NBEAL1: variants seen among roughly 807,000 people sequenced by gnomAD.
The protein encoded by NBEAL1 is neurobeachin-like protein 1.
Under a neutral mutation model 351.3 loss-of-function variants are expected in NBEAL1, and 273 were observed. The ratio of observed to expected loss-of-function variants is 0.78; its 90% CI spans 0.70 to 0.86. The LOEUF (loss-of-function observed/expected upper bound fraction) is 0.86. Among genes scored for constraint, NBEAL1 ranks in the 40% least tolerant of loss-of-function variants. NBEAL1 has a pLI of 0.00. For missense variants in NBEAL1, 2,961 were observed against 3,201.3 expected (o/e 0.92, Z 1.81); for synonymous variants, 1,050 against 1,086.4 (o/e 0.97, Z 0.66).
chr2:203,097,432 A>G, intron 10 of NBEAL1, 115 bp from the exon 11 acceptor site: 1 of 191,540 alleles, frequency 5.2e-6, no homozygotes, highest in Non-Finnish European at 9.6e-6. Context: ...ATATTTCACA[A>G]GGGAATTCTT....
chr2:203,217,335 A>C lies in NBEAL1; in HGVS notation c.8153A>C (p.Asn2718Thr), dbSNP rs752913236. Residue 2718 changes from asparagine (N) to threonine (T), a missense_variant, in exon 56 of 56, where the codon AAT becomes ACT. Coordinates refer to ENST00000683969, the MANE Select transcript of NBEAL1 (RefSeq NM_001378026.1). ...ATTTCAGCTGGAGAAACTGAATATA[A>C]TACTCAAGATTCCAAGTGATTGTTA... ...SQISAGETEY[N>T]TQDSK is the part of the protein sequence containing the mutation. The C allele has an allele frequency of 6.3e-7, 1 of 1,580,230 alleles. No individual in the cohort carries two copies. The highest frequency in any genetic ancestry group is 1.2e-5 in the South Asian group (1 of 84,814).
intron 50 of NBEAL1, among the ~76,000 whole-genome samples, chr2:203,202,073 G>A (rs2065415758): frequency 6.6e-6 from 1 of 152,076 alleles, no homozygotes; most frequent in Admixed American, 6.6e-5. Flanking sequence ...AAACATGAGA[G>A]TGATGAAATT....
intron 4 of NBEAL1, chr2:203,050,210 C>A: frequency 3.2e-6 from 1 of 313,282 alleles, no homozygotes. Flanking sequence ...ATACATATCC[C>A]AGAACTTTAA....
At chr2:203,066,492 G>A (rs1247586600) in intron 6 of NBEAL1, among the ~76,000 whole-genome samples, 3 of 152,050 alleles carry the variant, frequency 2.0e-5, no homozygotes, top group Non-Finnish European at 2.9e-5. Flanking sequence ...CACAGACACA[G>A]TAACAATCTG....
intron 19 of NBEAL1, among the ~76,000 whole-genome samples, chr2:203,123,051 G>T (rs890299957): frequency 2.1e-5 from 3 of 145,598 alleles, no homozygotes; most frequent in African/African-American, 7.6e-5. Flanking sequence ...TTAAATAAAA[G>T]AAATATAAAA....
Position 203,113,220 on chromosome 2 carries a change from A to G in NBEAL1, c.2408A>G (p.Glu803Gly). The G allele has an allele frequency of 3.2e-6, 5 of 1,543,380 alleles. No homozygotes were observed. Among genetic ancestry groups the G allele is most frequent in the Non-Finnish European group, 4.4e-6 (5 of 1,142,990 alleles). Reference sequence around the variant, plus strand: ...ATATCAGCTGGAACCCAAGACAGTGAATGGGGGTGTCCCACATCTCTGGAG... The same window carrying G: ...ATATCAGCTGGAACCCAAGACAGTGGATGGGGGTGTCCCACATCTCTGGAG... ...KLISAGTQDS[E>G]WGCPTSLEGQ... Residue 803 changes from glutamate (E) to glycine (G), a missense_variant, in exon 17 of 56, where the codon GAA becomes GGA. Transcript: ENST00000683969.
intron 47 of NBEAL1, among the ~76,000 whole-genome samples, chr2:203,195,155 C>T (rs1197694049): frequency 2.7e-5 from 4 of 150,362 alleles, no homozygotes; most frequent in Admixed American, 2.0e-4. Context: ...GATCACGCCA[C>T]TGCACTCAGA....
At chr2:203,165,854 G>A (rs1246001512) in intron 36 of NBEAL1, among the ~76,000 whole-genome samples, 1 of 151,972 alleles carries the variant, frequency 6.6e-6, no homozygotes, top group East Asian at 1.9e-4. Flanking sequence ...ACCAGCCTGG[G>A]CAACATGGCA....
At chr2:203,208,856 AT>A in intron 52 of NBEAL1, 103 bp downstream of exon 52, 1 of 799,698 alleles carries the variant, frequency 1.3e-6, no homozygotes, top group East Asian at 2.7e-5. Flanking sequence ...GAGTATAGAA[AT>A]GTTATACCAT....
chr2:203,051,544 C>CA (rs11305453), intron 4 of NBEAL1, among the ~76,000 whole-genome samples: 457 of 110,494 alleles, frequency 4.1e-3, no homozygotes, highest in Middle Eastern at 9.9e-3. Flanking sequence ...AGACTCTTCT[C>CA]AAAAAAAAAA....
Position 203,099,611 on chromosome 2 carries a change from C to A in NBEAL1, c.1186-18C>A. The A allele has an allele frequency of 6.7e-7, 1 of 1,494,574 alleles. No homozygotes were observed. Among genetic ancestry groups the A allele is most frequent in the African/African-American group, 1.4e-5 (1 of 70,940 alleles). The allele number at this position is 1,494,574 out of a possible 1,614,324, so 92.6% of individuals were successfully genotyped here. Reference sequence around the variant, plus strand: ...GAGCACATTTGTTAATTTCTTGTTTCCCCTTCCCCCTCAATAGGTGTTTCA... The same window carrying A: ...GAGCACATTTGTTAATTTCTTGTTTACCCTTCCCCCTCAATAGGTGTTTCA... On this transcript the variant is annotated intron_variant, in intron 11 of 55. Transcript: ENST00000683969.
At chr2:203,188,792 A>T (rs141592609) in intron 45 of NBEAL1, among the ~76,000 whole-genome samples, 1 of 152,224 alleles carries the variant, frequency 6.6e-6, no homozygotes, top group Non-Finnish European at 1.5e-5. Flanking sequence ...AATGTCACTT[A>T]TTAACATCAT....
Position 203,199,341 on chromosome 2 carries a change from A to G in NBEAL1, c.7132A>G (p.Thr2378Ala). The G allele has an allele frequency of 3.9e-6, 6 of 1,553,102 alleles. No homozygotes were observed. The highest frequency in any genetic ancestry group is 5.3e-6 in the Non-Finnish European group (6 of 1,129,434). The change falls in exon 49 of 56, where the codon ACA (threonine) becomes GCA (alanine). Residue 2378 changes from threonine to alanine, a missense_variant. Thr to Ala is a moderately conservative substitution (Grantham distance 58, BLOSUM62 0). Coordinates refer to ENST00000683969, the MANE Select transcript of NBEAL1 (RefSeq NM_001378026.1). Reference sequence around the variant, plus strand: ...GTCTTCATATGTTCTTTTCCAGATAACAATAAGCATGAATTATGTTATTGG... The same window carrying G: ...GTCTTCATATGTTCTTTTCCAGATAGCAATAAGCATGAATTATGTTATTGG... Reference protein sequence around the residue: ...MSQGSPELLITISMNYVIGTH... With the variant: ...MSQGSPELLIAISMNYVIGTH...
Position 203,166,212 on chromosome 2 carries a change from T to C in NBEAL1, c.5778T>C (p.Ile1926=), listed in dbSNP as rs749104267. ...KLVLMEDCEL[I]TIIDVIPGRL... ...TATTGATGGAAGACTGTGAACTCAT[T>C]ACAATAATTGATGTAATTCCTGGCA... Residue 1926 remains isoleucine, a synonymous_variant, in exon 37 of 56, where the codon ATT becomes ATC. Coordinates refer to ENST00000683969, the MANE Select transcript of NBEAL1 (RefSeq NM_001378026.1). 6.2e-7 allele frequency: 1 copy of C among 1,611,364 alleles called. No individual in the cohort carries two copies. The highest frequency in any genetic ancestry group is 1.7e-5 in the Admixed American group (1 of 59,576).
intron 38 of NBEAL1, among the ~76,000 whole-genome samples, chr2:203,169,286 A>C (rs1200959219): frequency 6.6e-6 from 1 of 151,808 alleles, no homozygotes; most frequent in African/African-American, 2.4e-5. Flanking sequence ...AAGGAGGCAG[A>C]ATTGAGAAGT....
At chr2:203,110,667 C>T (rs2062546769) in intron 15 of NBEAL1, among the ~76,000 whole-genome samples, 1 of 91,514 alleles carries the variant, frequency 1.1e-5, no homozygotes, top group South Asian at 3.4e-4. Context: ...GAGTGAGATC[C>T]TGTCTCAAAA....
chr2:203,032,220 C>G (rs1045024549), intron 2 of NBEAL1, among the ~76,000 whole-genome samples: 1 of 152,120 alleles, frequency 6.6e-6, no homozygotes, highest in Non-Finnish European at 1.5e-5. Context: ...CATGAGAAAT[C>G]CTGAGCCAGA....
intron 42 of NBEAL1, among the ~76,000 whole-genome samples, chr2:203,178,281 C>T (rs894598405): frequency 2.0e-5 from 3 of 151,838 alleles, no homozygotes; most frequent in Non-Finnish European, 4.4e-5. Context: ...TCTCCTGCCT[C>T]AGCCTCCAAA....
chr2:203,130,020 A>G (rs749930660), intron 24 of NBEAL1, among the ~76,000 whole-genome samples: 1 of 152,130 alleles, frequency 6.6e-6, no homozygotes, highest in Non-Finnish European at 1.5e-5. Flanking sequence ...AAAATCAGCC[A>G]GGCATGGTGG....
Sources: allele counts gnomAD v4.1 joint callset (sites outside exome capture counted in the v4.1 genomes callset), GRCh38; gene constraint gnomAD v4.1.1; transcripts MANE v1.5; gene names NCBI Gene and HGNC (gene_info 2026-07-23, HGNC 2026-07-21).